EPB41L4A: variants seen among roughly 807,000 people sequenced by gnomAD.
EPB41L4A encodes the protein band 4.1-like protein 4A.
A neutral mutation model predicts 108.6 loss-of-function variants in EPB41L4A; 100 were observed. The observed-to-expected ratio is 0.92, with a 90% confidence interval of 0.78 to 1.09. The LOEUF (loss-of-function observed/expected upper bound fraction) is 1.09. EPB41L4A is among the 50% of genes least tolerant of loss of function. EPB41L4A has a pLI of 0.00. For missense variants in EPB41L4A, 1,030 were observed against 842.7 expected (o/e 1.22, Z -2.75); for synonymous variants, 319 against 289.0 (o/e 1.10, Z -1.05).
At chr5:112,339,048 G>T (rs1469377251) in intron 1 of EPB41L4A, among the ~76,000 whole-genome samples, 1 of 152,102 alleles carries the variant, frequency 6.6e-6, no homozygotes, top group African/African-American at 2.4e-5. Flanking sequence ...GAGAATGAAG[G>T]GAGAAGAGCA....
At chr5:112,333,298 A>T (rs1456033032) in intron 1 of EPB41L4A, among the ~76,000 whole-genome samples, 1 of 151,160 alleles carries the variant, frequency 6.6e-6, no homozygotes, top group Non-Finnish European at 1.5e-5. Flanking sequence ...TGGGAGAGGG[A>T]GATGTCAAAA....
chr5:112,391,777 T>G (rs1380758807), intron 1 of EPB41L4A, among the ~76,000 whole-genome samples: 2 of 151,880 alleles, frequency 1.3e-5, no homozygotes, highest in Non-Finnish European at 2.9e-5. Flanking sequence ...CACATAATTG[T>G]CAGATTCACC....
At position 112,353,238 on chromosome 5, in the gene EPB41L4A, C is replaced by A. The variant is rs554351838; in HGVS notation, c.100-45748G>T. 5.4e-5 allele frequency among the ~76,000 whole-genome samples: 8 copies of A among 149,116 alleles called. No individual in the cohort carries two copies. The East Asian group carries it at 1.4e-3, about 25-fold the overall frequency. Reference sequence around the variant, plus strand: ...TGAACCAAGCATGCCTGTTGGCATGCTTGAACCAAGCAGTGAACCAAGCAT... The same window carrying A: ...TGAACCAAGCATGCCTGTTGGCATGATTGAACCAAGCAGTGAACCAAGCAT... On this transcript the variant is annotated intron_variant, in intron 1 of 22. Coordinates refer to ENST00000261486, the MANE Select transcript of EPB41L4A (RefSeq NM_022140.5).
At chr5:112,169,455 T>G (rs999283887) in intron 20 of EPB41L4A, among the ~76,000 whole-genome samples, 1 of 152,126 alleles carries the variant, frequency 6.6e-6, no homozygotes, top group Non-Finnish European at 1.5e-5. Context: ...GCATTCCTAA[T>G]GGAAAAAGTT....
At chr5:112,309,505 A>G (rs190849010) in intron 1 of EPB41L4A, among the ~76,000 whole-genome samples, 2 of 152,236 alleles carry the variant, frequency 1.3e-5, no homozygotes, top group African/African-American at 4.8e-5. Flanking sequence ...AAACCTCTAT[A>G]TGGTTGTCTT....
chr5:112,244,157 C>T (rs1299116054), intron 9 of EPB41L4A, among the ~76,000 whole-genome samples: 3 of 152,158 alleles, frequency 2.0e-5, no homozygotes, highest in African/African-American at 7.2e-5. Flanking sequence ...ATTAACTGAC[C>T]TAGTTTCAAT....
intron 18 of EPB41L4A, among the ~76,000 whole-genome samples, chr5:112,173,362 AGGCCTAGT>A (rs1413950510): frequency 6.6e-6 from 1 of 152,176 alleles, no homozygotes; most frequent in Non-Finnish European, 1.5e-5. Flanking sequence ...CCATGATATC[AGGCCTAGT>A]GGTGAGAGAT....
Position 112,382,492 on chromosome 5 carries a change from G to T in EPB41L4A, c.99+36449C>A, listed in dbSNP as rs1164315288. On this transcript the variant is annotated intron_variant, in intron 1 of 22. Transcript: ENST00000261486. ...CCTGCATGTGTGAGTCAAGCACCTG[G>T]CTACTCTTGGGGAAATTCTGACCCA... is the stretch of plus-strand genomic sequence containing the variant. Among the ~76,000 whole-genome samples, 5 of 152,318 alleles carry T rather than the reference G, an allele frequency of 3.3e-5. No homozygotes were observed. The East Asian group carries it at 9.6e-4, about 29-fold the overall frequency.
intron 11 of EPB41L4A, among the ~76,000 whole-genome samples, chr5:112,237,930 A>T (rs1749469303): frequency 6.6e-6 from 1 of 152,228 alleles, no homozygotes; most frequent in Non-Finnish European, 1.5e-5. Context: ...CAATTTTGCA[A>T]AGGTTACTTT....
At chr5:112,314,505 T>A (rs1190804366) in intron 1 of EPB41L4A, among the ~76,000 whole-genome samples, 5 of 55,184 alleles carry the variant, frequency 9.1e-5, no homozygotes, top group East Asian at 1.6e-3. Context: ...CCATCGCTAC[T>A]AAAAAAAAAA....
downstream of EPB41L4A, among the ~76,000 whole-genome samples, chr5:112,159,169 C>CCT (rs1759757525): frequency 6.7e-6 from 1 of 150,230 alleles, no homozygotes; most frequent in Non-Finnish European, 1.5e-5. Flanking sequence ...CCTGAATTTT[C>CCT]TTTTTTTTTT....
rs528542126 is a variant in EPB41L4A, at chr5:112,286,209, C to T, written c.205-5886G>A. Among the ~76,000 whole-genome samples the T allele has an allele frequency of 4.6e-5, 7 of 151,998 alleles. No homozygotes were observed. In the South Asian group the frequency reaches 1.5e-3, roughly 32 times the overall value. On this transcript the variant is annotated intron_variant, in intron 2 of 22. Coordinates refer to ENST00000261486, the MANE Select transcript of EPB41L4A (RefSeq NM_022140.5). ...ACTATTCATTATAATCATTCACTTGCAAGTGTCCTCAATTTCCTTGCACAT... is the reference window on the plus strand; with the variant it reads ...ACTATTCATTATAATCATTCACTTGTAAGTGTCCTCAATTTCCTTGCACAT...
chr5:112,200,659 G>T (rs1203576890), intron 15 of EPB41L4A, among the ~76,000 whole-genome samples: 1 of 152,164 alleles, frequency 6.6e-6, no homozygotes, highest in African/African-American at 2.4e-5. Flanking sequence ...GTACTACCAG[G>T]AAATATGCTG....
chr5:112,368,855 C>A (rs1383289326), intron 1 of EPB41L4A, among the ~76,000 whole-genome samples: 1 of 152,070 alleles, frequency 6.6e-6, no homozygotes, highest in South Asian at 2.1e-4. Flanking sequence ...CCTAATGGTT[C>A]TATCTTTTGT....
intron 6 of EPB41L4A, among the ~76,000 whole-genome samples, chr5:112,263,000 G>C (rs1212909404): frequency 6.6e-6 from 1 of 152,130 alleles, no homozygotes; most frequent in African/African-American, 2.4e-5. Flanking sequence ...GAAGAGAATG[G>C]GGCTGCCACC....
intron 4 of EPB41L4A, among the ~76,000 whole-genome samples, chr5:112,268,592 G>A (rs569179192): frequency 6.6e-6 from 1 of 152,110 alleles, no homozygotes; most frequent in Non-Finnish European, 1.5e-5. Context: ...GTTCACACCT[G>A]TAACCCCAGT....
At chr5:112,333,173 C>T (rs1242519497) in intron 1 of EPB41L4A, among the ~76,000 whole-genome samples, 1 of 152,134 alleles carries the variant, frequency 6.6e-6, no homozygotes, top group East Asian at 1.9e-4. Context: ...GGGCTTAGAG[C>T]AGATCACAGT....
At chr5:112,253,605 G>A (rs778208515) in intron 9 of EPB41L4A, among the ~76,000 whole-genome samples, 4 of 151,984 alleles carry the variant, frequency 2.6e-5, no homozygotes, top group Admixed American at 6.6e-5. Context: ...CAGTTACATC[G>A]GAATATCCCT....
intron 12 of EPB41L4A, among the ~76,000 whole-genome samples, chr5:112,211,960 A>C (rs1236333845): frequency 6.6e-6 from 1 of 152,168 alleles, no homozygotes. Context: ...CCAATAACTG[A>C]GCAACATCCA....
Sources: gnomAD v4.1 joint callset for allele counts (sites outside exome capture counted in the v4.1 genomes callset) on GRCh38, gnomAD v4.1.1 for gene constraint, MANE v1.5 for transcripts, NCBI Gene and HGNC (gene_info 2026-07-23, HGNC 2026-07-21) for gene names.